The following STK33 variants were observed in gnomAD, a reference collection of about 807,000 sequenced individuals.
STK33 encodes the protein serine/threonine-protein kinase 33.
STK33 carries 52 observed loss-of-function variants against 58.0 expected under a neutral mutation model. That is an observed-to-expected ratio of 0.90 (90% CI 0.72 to 1.13). The LOEUF is 1.13. Ranked by LOEUF, STK33 falls within the 50% of genes most tolerant of loss-of-function variation. STK33 has a pLI of 0.00. For missense variants in STK33, 630 were observed against 604.2 expected (o/e 1.04, Z -0.45); for synonymous variants, 215 against 200.1 (o/e 1.07, Z -0.63).
chr11:8,499,394 T>C (rs920440883), intron 1 of STK33, among the ~76,000 whole-genome samples: 4 of 152,136 alleles, frequency 2.6e-5, no homozygotes, highest in African/African-American at 9.7e-5. Context: ...CCAGTTAGAA[T>C]AGCGATCATT....
intron 1 of STK33, among the ~76,000 whole-genome samples, chr11:8,537,903 A>T (rs557764898): frequency 3.3e-5 from 5 of 150,770 alleles, no homozygotes; most frequent in Non-Finnish European, 5.9e-5. Context: ...AAAAAAAAAT[A>T]GGAGCCAGGA....
At chr11:8,367,140 C>G in the STK33 span, among the ~76,000 whole-genome samples, 1 of 152,236 alleles carries the variant, frequency 6.6e-6, no homozygotes, top group South Asian at 2.1e-4. Flanking sequence ...GAACAAAGTA[C>G]TAAATGTGTA....
At chr11:8,545,422 T>G (rs1159304987) in intron 1 of STK33, among the ~76,000 whole-genome samples, 1 of 152,120 alleles carries the variant, frequency 6.6e-6, no homozygotes, top group Non-Finnish European at 1.5e-5. Context: ...CAAAACGAAA[T>G]ATAAATATCC....
At chr11:8,387,596 C>T (rs74408949), downstream of STK33, among the ~76,000 whole-genome samples, 3,253 of 152,306 alleles carry the variant, frequency 0.021, 131 homozygotes, top group African/African-American at 0.075. Flanking sequence ...GCTGCTGTTA[C>T]ATCATGACTC....
chr11:8,569,724 A>G (rs1239238120), intron 1 of STK33, among the ~76,000 whole-genome samples: 2 of 152,208 alleles, frequency 1.3e-5, no homozygotes, highest in Admixed American at 1.3e-4. Flanking sequence ...TGGGAGGCCA[A>G]GGCAGGCAGA....
At chr11:8,361,254 T>C in the STK33 span, among the ~76,000 whole-genome samples, 1 of 152,110 alleles carries the variant, frequency 6.6e-6, no homozygotes, top group Non-Finnish European at 1.5e-5. This position sits in a 1 kb window ranked among gnomAD's most constrained non-coding sequence, Gnocchi z 4.8. Flanking sequence ...CTCTGTCACT[T>C]CCTTCTTCCC....
intron 1 of STK33, among the ~76,000 whole-genome samples, chr11:8,510,916 T>C (rs573793188): frequency 6.6e-6 from 1 of 151,796 alleles, no homozygotes; most frequent in African/African-American, 2.4e-5. Context: ...CCTTGCAGTA[T>C]ATAATGTGAT....
intron 2 of STK33, among the ~76,000 whole-genome samples, chr11:8,478,250 C>A (rs1231902829): frequency 6.6e-6 from 1 of 152,050 alleles, no homozygotes; most frequent in African/African-American, 2.4e-5. Context: ...ATTAATAGCT[C>A]TTTTTCTATA....
chr11:8,462,495 G>GA (rs1402983599), intron 7 of STK33, among the ~76,000 whole-genome samples: 2 of 144,866 alleles, frequency 1.4e-5, no homozygotes, highest in African/African-American at 2.6e-5. Flanking sequence ...ATGTATGTAT[G>GA]AAAAAATAAT....
intron 1 of STK33, among the ~76,000 whole-genome samples, chr11:8,497,653 G>C (rs1438110845): frequency 1.3e-5 from 2 of 151,992 alleles, no homozygotes; most frequent in Non-Finnish European, 2.9e-5. Flanking sequence ...GTAGAGATGG[G>C]GTCTCACCGT....
At chr11:8,421,943 C>T (rs185155210) in intron 14 of STK33, among the ~76,000 whole-genome samples, 48 of 152,184 alleles carry the variant, frequency 3.2e-4, no homozygotes, top group African/African-American at 1.2e-3. Flanking sequence ...TCTCAGCTCT[C>T]CTATTTCTAA....
At position 8,556,271 on chromosome 11, in the gene STK33, T is replaced by C. The variant is rs531053108; in HGVS notation, c.-466+37812A>G. Among the ~76,000 whole-genome samples the C allele has an allele frequency of 1.6e-4, 24 of 152,292 alleles. 1 individual carries two copies. The South Asian group carries it at 5.0e-3, about 32-fold the overall frequency. On this transcript the variant is annotated intron_variant, in intron 1 of 15. Transcript: ENST00000687296. ...AAAAAAGCGTCATCAAAGTTGTGCTTTAGAAAGATCAATCTAGCAGTAATT... is the reference window on the plus strand; with the variant it reads ...AAAAAAGCGTCATCAAAGTTGTGCTCTAGAAAGATCAATCTAGCAGTAATT...
intron 1 of STK33, among the ~76,000 whole-genome samples, chr11:8,487,164 CT>C (rs1950244307): frequency 6.6e-6 from 1 of 152,092 alleles, no homozygotes; most frequent in Non-Finnish European, 1.5e-5. Flanking sequence ...TGGCTCATGA[CT>C]GTAATCCTAG....
At chr11:8,511,239 AT>A (rs931673496) in intron 1 of STK33, among the ~76,000 whole-genome samples, 2 of 151,852 alleles carry the variant, frequency 1.3e-5, no homozygotes, top group African/African-American at 4.8e-5. Flanking sequence ...TTATTTTATT[AT>A]TTTTTGCAGC....
chr11:8,547,688 G>T (rs757049921), intron 1 of STK33, among the ~76,000 whole-genome samples: 9 of 152,134 alleles, frequency 5.9e-5, no homozygotes, highest in Non-Finnish European at 1.2e-4. Flanking sequence ...GCTTCACTCT[G>T]TTGTTTCCTT....
chr11:8,457,318 G>A, intron 9 of STK33, 23 bp downstream of exon 9: 4 of 1,511,950 alleles, frequency 2.6e-6, no homozygotes, highest in East Asian at 4.6e-5. Flanking sequence ...TGGGGTCAAT[G>A]AGCTGGATAA....
At chr11:8,335,936 A>G in the STK33 span, among the ~76,000 whole-genome samples, 2 of 152,218 alleles carry the variant, frequency 1.3e-5, no homozygotes, top group East Asian at 3.9e-4. Context: ...TACAGCACAG[A>G]GACCAGCATG....
chr11:8,407,983 A>G (rs373704170), intron 15 of STK33, among the ~76,000 whole-genome samples: 5 of 152,352 alleles, frequency 3.3e-5, no homozygotes, highest in Middle Eastern at 3.4e-3. Context: ...AACATTTCAA[A>G]TTTCCACAGA....
chr11:8,569,997 C>T (rs992922853), intron 1 of STK33, among the ~76,000 whole-genome samples: 30 of 151,910 alleles, frequency 2.0e-4, no homozygotes, highest in Admixed American at 1.7e-3. Flanking sequence ...AGGCAAGCCA[C>T]GGACTGGGAG....
Sources: gnomAD v4.1 joint callset for allele counts (sites outside exome capture counted in the v4.1 genomes callset) on GRCh38, gnomAD v4.1.1 for gene constraint, Gnocchi (gnomAD v3.1) non-coding constraint, MANE v1.5 for transcripts, NCBI Gene and HGNC (gene_info 2026-07-23, HGNC 2026-07-21) for gene names.